The following FRMPD4 variants were observed in gnomAD, a reference collection of about 807,000 sequenced individuals.
The protein encoded by FRMPD4 is FERM and PDZ domain-containing protein 4.
FRMPD4 carries 22 observed loss-of-function variants against 94.1 expected under a neutral mutation model. The ratio of observed to expected loss-of-function variants is 0.23; its 90% confidence interval spans 0.17 to 0.33. The LOEUF (loss-of-function observed/expected upper bound fraction) is 0.33, where lower values mean the gene tolerates loss of function less well. Ranked by LOEUF, FRMPD4 falls within the 10% of genes least tolerant of loss-of-function variation. FRMPD4 has a pLI of 1.00. For missense variants in FRMPD4, 1,111 were observed against 1,339.9 expected (o/e 0.83, Z 2.67); for synonymous variants, 631 against 548.6 (o/e 1.15, Z -2.10).
intron 1 of FRMPD4, among the ~76,000 whole-genome samples, chrX:12,387,449 T>C (rs902727677): frequency 8.9e-6 from 1 of 112,049 alleles, no homozygotes; most frequent in African/African-American, 3.2e-5. Context: ...TTATTGATTA[T>C]AGAGTGAAAT....
In FRMPD4 at chrX:12,059,506, G is replaced by A. The variant is rs189432665; in HGVS notation, c.95+181488G>A. ...TTTAGATTCAGGTGGTACATGTGTA[G>A]GTTTGTTAACTGGTTATATTGCGTG... On this transcript the variant is annotated intron_variant, in intron 3 of 18. Transcript: ENST00000640291. Among the ~76,000 whole-genome samples, 4 of 110,445 alleles carry A rather than the reference G, an allele frequency of 3.6e-5. No individual in the cohort carries two copies. In the Admixed American group the frequency reaches 3.9e-4, roughly 11 times the overall value.
intron 1 of FRMPD4, among the ~76,000 whole-genome samples, chrX:12,434,295 TTAATG>T (rs2057040263): frequency 8.9e-6 from 1 of 112,138 alleles, no homozygotes; most frequent in African/African-American, 3.2e-5. Flanking sequence ...GTTTCCTAAG[TTAATG>T]TAAAGGGTTG....
At chrX:12,574,678 T>C (rs1164056038) in intron 2 of FRMPD4, among the ~76,000 whole-genome samples, 1 of 110,722 alleles carries the variant, frequency 9.0e-6, no homozygotes, top group Non-Finnish European at 1.9e-5. Flanking sequence ...TTGTAGTTTT[T>C]GTAGAGACAG....
intron 3 of FRMPD4, among the ~76,000 whole-genome samples, chrX:12,072,546 T>G (rs1444633802): frequency 8.9e-6 from 1 of 111,846 alleles, no homozygotes; most frequent in Non-Finnish European, 1.9e-5. Flanking sequence ...CATTTCAGAG[T>G]TGACACTAGC....
intron 1 of FRMPD4, among the ~76,000 whole-genome samples, chrX:12,299,005 A>G (rs1014213408): frequency 8.9e-6 from 1 of 111,753 alleles, no homozygotes; most frequent in Non-Finnish European, 1.9e-5. Flanking sequence ...TCTCAAAACA[A>G]CACCCAAGCA....
Position 12,520,255 on chromosome X carries a change from T to C in FRMPD4, c.158+21459T>C, listed in dbSNP as rs778290402. ...AGGATGAACCTTGATGACATTATGCTAAGTAAAATAAGCCAGTTCCAAAGG... is the reference window on the plus strand; with the variant it reads ...AGGATGAACCTTGATGACATTATGCCAAGTAAAATAAGCCAGTTCCAAAGG... On this transcript the variant is annotated intron_variant, in intron 2 of 16. Transcript: ENST00000675598. Among the ~76,000 whole-genome samples the C allele has an allele frequency of 2.7e-5, 3 of 112,008 alleles. No individual in the cohort carries two copies. In the South Asian group the frequency reaches 1.1e-3, roughly 42 times the overall value.
intron 1 of FRMPD4, among the ~76,000 whole-genome samples, chrX:12,140,119 GT>G (rs1294690944): frequency 7.1e-5 from 8 of 112,086 alleles, no homozygotes; most frequent in Non-Finnish European, 1.3e-4. Flanking sequence ...GAAAGGTTCT[GT>G]TTGGATGTTG....
At chrX:11,826,617 G>T (rs2053444843) in intron 1 of FRMPD4, among the ~76,000 whole-genome samples, 2 of 111,932 alleles carry the variant, frequency 1.8e-5, no homozygotes, top group Non-Finnish European at 3.8e-5. Context: ...AGTTCCTAAA[G>T]ACTTGAGTAC....
intron 1 of FRMPD4, among the ~76,000 whole-genome samples, chrX:12,450,863 C>CAAAAA (rs5901475): frequency 0.011 from 543 of 48,769 alleles, 12 homozygotes; most frequent in East Asian, 0.021. Context: ...TCTATTTATC[C>CAAAAA]AAAAAAAAAA....
At chrX:11,824,577 G>C (rs1266972143) in intron 1 of FRMPD4, among the ~76,000 whole-genome samples, 1 of 111,579 alleles carries the variant, frequency 9.0e-6, no homozygotes, top group Non-Finnish European at 1.9e-5. Context: ...ACATCCCCTG[G>C]GGTGAAAGTC....
At chrX:11,976,925 A>G (rs948220563) in intron 3 of FRMPD4, among the ~76,000 whole-genome samples, 3 of 111,853 alleles carry the variant, frequency 2.7e-5, no homozygotes, top group African/African-American at 6.5e-5. Context: ...TTTTAAAAAA[A>G]ATGCATCTGA....
intron 1 of FRMPD4, among the ~76,000 whole-genome samples, chrX:12,307,795 G>A (rs2054966832): frequency 8.9e-6 from 1 of 111,782 alleles, no homozygotes; most frequent in Non-Finnish European, 1.9e-5. Flanking sequence ...CTTCACTAAG[G>A]ACCAATGAGC....
chrX:12,306,946 T>G (rs1475488557), intron 1 of FRMPD4, among the ~76,000 whole-genome samples: 1 of 111,972 alleles, frequency 8.9e-6, no homozygotes, highest in Non-Finnish European at 1.9e-5. Flanking sequence ...GAGAATGTAT[T>G]CAGAAGAAGG....
chrX:12,657,752 G>T (rs1437750998), intron 4 of FRMPD4, among the ~76,000 whole-genome samples: 2 of 112,255 alleles, frequency 1.8e-5, no homozygotes, highest in African/African-American at 3.2e-5. Flanking sequence ...TAAAAAGTGT[G>T]ATTGAATAAT....
At chrX:12,523,658 C>A (rs1453394469) in intron 2 of FRMPD4, among the ~76,000 whole-genome samples, 1 of 111,160 alleles carries the variant, frequency 9.0e-6, no homozygotes, top group Non-Finnish European at 1.9e-5. Flanking sequence ...CATAATTGTA[C>A]TTACTCCACT....
intron 12 of FRMPD4, 27 bp downstream of exon 12, chrX:12,706,942 G>C: frequency 3.1e-6 from 1 of 325,374 alleles, no homozygotes; most frequent in Non-Finnish European, 4.3e-6. Flanking sequence ...TTTTTTTTTT[G>C]CTTTCTCTTG....
chrX:12,275,807 A>G (rs2054426782), intron 1 of FRMPD4, among the ~76,000 whole-genome samples: 1 of 111,199 alleles, frequency 9.0e-6, no homozygotes, highest in Non-Finnish European at 1.9e-5. Flanking sequence ...CCTTTGAGGA[A>G]GCTCAATGGA....
chrX:12,699,975 C>A (rs1404390950), intron 9 of FRMPD4, among the ~76,000 whole-genome samples: 1 of 111,892 alleles, frequency 8.9e-6, no homozygotes, highest in Non-Finnish European at 1.9e-5. Context: ...GGGGCAGGAC[C>A]CTTTCTGGAA....
At chrX:12,239,267 A>G (rs1393027719) in intron 1 of FRMPD4, among the ~76,000 whole-genome samples, 1 of 112,327 alleles carries the variant, frequency 8.9e-6, no homozygotes, top group Non-Finnish European at 1.9e-5. Context: ...ACAAGAGAAG[A>G]ATAAAGAAAC....
Sources: allele counts gnomAD v4.1 joint callset (sites outside exome capture counted in the v4.1 genomes callset), GRCh38; gene constraint gnomAD v4.1.1; transcripts MANE v1.5; gene names NCBI Gene and HGNC (gene_info 2026-07-23, HGNC 2026-07-21).